The following ACSM4 variants were observed in gnomAD, a reference collection of about 807,000 sequenced individuals.
ACSM4 encodes acyl-coenzyme A synthetase ACSM4, mitochondrial.
In ACSM4, 66 loss-of-function variants were observed where a neutral mutation model predicts 73.0. The ratio of observed to expected loss-of-function variants is 0.90; its 90% CI spans 0.74 to 1.11. The LOEUF is 1.11. ACSM4 is among the 50% of genes least tolerant of loss of function. The pLI is 0.00. For synonymous variants in ACSM4, 222 were observed against 254.0 expected, an observed-to-expected ratio of 0.87 and a Z score of 1.20; for missense variants, 645 against 714.4, an observed-to-expected ratio of 0.90 and a Z score of 1.11.
intron 9 of ACSM4, among the ~76,000 whole-genome samples, 169 bp downstream of exon 9, chr12:7,323,729 T>C (rs1273011045): frequency 6.6e-6 from 1 of 152,090 alleles, no homozygotes; most frequent in Non-Finnish European, 1.5e-5. Context: ...AAATTCCAAA[T>C]GTAAGAAACC....
intron 2 of ACSM4, 134 bp from the exon 3 acceptor site, chr12:7,310,405 T>C: frequency 3.6e-6 from 3 of 833,876 alleles, no homozygotes; most frequent in South Asian, 3.4e-5. Flanking sequence ...TGCAATATCC[T>C]TGGGCATCAA....
chr12:7,324,397 C>A lies in ACSM4; in HGVS notation c.1433C>A (p.Ser478Tyr). The stretch of plus-strand genomic sequence containing the variant: ...AGAGCTGATGATGTCATTATATCCT[C>A]TGGGTTTGTATATTTGCCACTCTGA... ...VGRADDVIIS[S>Y]GYRIGPFEVE... The change falls in exon 10 of 13, where the codon TCT (serine) becomes TAT (tyrosine). Residue 478 changes from serine (S) to tyrosine (Y), a missense_variant. Transcript: ENST00000399422. 1 of 1,614,100 alleles carries A rather than the reference C, an allele frequency of 6.2e-7. No individual in the cohort carries two copies. Among genetic ancestry groups the A allele is most frequent in the African/African-American group, 1.3e-5 (1 of 75,036 alleles).
At chr12:7,317,418 GC>G in intron 4 of ACSM4, 138 bp downstream of exon 4, 1 of 1,235,176 alleles carries the variant, frequency 8.1e-7, no homozygotes, top group East Asian at 2.9e-5. Flanking sequence ...ACTCTTGCTG[GC>G]CCCGCCCAAC....
chr12:7,308,243 GT>G (rs1255772882), intron 2 of ACSM4, among the ~76,000 whole-genome samples: 1 of 152,124 alleles, frequency 6.6e-6, no homozygotes, highest in Non-Finnish European at 1.5e-5. Flanking sequence ...TGTTAAACCA[GT>G]TGTGGATTGA....
intron 2 of ACSM4, 120 bp downstream of exon 2, chr12:7,306,863 A>G: frequency 1.1e-6 from 1 of 932,600 alleles, no homozygotes; most frequent in Non-Finnish European, 1.6e-6. Flanking sequence ...AAAAAAAAAA[A>G]AGAAGAGTTA....
intron 8 of ACSM4, 63 bp downstream of exon 8, chr12:7,323,377 T>C (rs1360423484): frequency 1.3e-6 from 2 of 1,594,162 alleles, no homozygotes; most frequent in Non-Finnish European, 8.6e-7. Flanking sequence ...TTTTCTGCTA[T>C]TCATTGCACA....
At chr12:7,319,876 A>T (rs767978467) in intron 5 of ACSM4, among the ~76,000 whole-genome samples, 1 of 152,208 alleles carries the variant, frequency 6.6e-6, no homozygotes, top group Non-Finnish European at 1.5e-5. Context: ...TACAAAAATC[A>T]TGTGTGTATT....
At chr12:7,321,526 T>TCCTAGCAAAG (rs1480886027) in intron 6 of ACSM4, among the ~76,000 whole-genome samples, 11 of 152,344 alleles carry the variant, frequency 7.2e-5, no homozygotes, top group African/African-American at 2.6e-4. Flanking sequence ...CTAGTCAGTG[T>TCCTAGCAAAG]CAACTCCTTT....
At chr12:7,323,771 C>T (rs1394393067) in intron 9 of ACSM4, among the ~76,000 whole-genome samples, 6 of 152,198 alleles carry the variant, frequency 3.9e-5, no homozygotes, top group Middle Eastern at 6.8e-3. Flanking sequence ...AAAGGAAAAC[C>T]GGACAGGCTG....
Position 7,317,275 on chromosome 12 carries a change from C to T in ACSM4, c.759C>T (p.Cys253=), listed in dbSNP as rs200562081. 52 of 1,562,116 alleles carry T rather than the reference C, an allele frequency of 3.3e-5. 1 individual carries two copies. Among genetic ancestry groups the T allele is most frequent in the East Asian group, 2.6e-4 (11 of 42,150 alleles). Residue 253 remains cysteine (C), a synonymous_variant, in exon 4 of 13, where the codon TGC becomes TGT. Coordinates refer to ENST00000399422, the MANE Select transcript of ACSM4 (RefSeq NM_001080454.2). ...GCCTCGGCATTGGGTTCACCCTCTG[C>T]GGAAGGTAGGGAAGAAAATTCAGTT... ...QSSLGIGFTL[C]GRYWLDLKSS...
intron 6 of ACSM4, among the ~76,000 whole-genome samples, chr12:7,321,890 C>G (rs904283368): frequency 6.6e-6 from 1 of 152,204 alleles, no homozygotes; most frequent in African/African-American, 2.4e-5. Flanking sequence ...AAGTGACATG[C>G]TTGGTGAGAT....
chr12:7,326,081 T>C (rs1946502182), intron 11 of ACSM4, among the ~76,000 whole-genome samples: 1 of 152,256 alleles, frequency 6.6e-6, no homozygotes, highest in African/African-American at 2.4e-5. Flanking sequence ...TAAATTATGC[T>C]TACTAACCTC....
chr12:7,328,363 G>T lies in ACSM4; in HGVS notation c.1733G>T (p.Arg578Ile). 1 of 1,587,668 alleles carries T rather than the reference G, an allele frequency of 6.3e-7. No homozygotes were observed. Among genetic ancestry groups the T allele is most frequent in the Middle Eastern group, 1.7e-4 (1 of 6,010 alleles). Reference sequence around the variant, plus strand: ...AACGTTTTAAGAGACCAAGAATGGAGAGGAAGATAGTTTGATAACAAAGCT... The same window carrying T: ...AACGTTTTAAGAGACCAAGAATGGATAGGAAGATAGTTTGATAACAAAGCT... ...KRNVLRDQEW[R>I]GR Residue 578 changes from arginine (R) to isoleucine (I), a missense_variant, in exon 13 of 13, where the codon AGA becomes ATA. By Grantham distance (97) the Arg-to-Ile change is moderately conservative. Transcript: ENST00000399422.
At position 7,328,578 on chromosome 12, in the gene ACSM4, G is replaced by A; in HGVS notation, c.*205G>A. 3.0e-6 allele frequency: 1 copy of A among 336,558 alleles called. No homozygotes were observed. Among genetic ancestry groups the A allele is most frequent in the Admixed American group, 4.8e-5 (1 of 21,048 alleles). The allele number at this position is 336,558 out of a possible 1,614,324, so 20.8% of individuals were successfully genotyped here. On this transcript the variant is annotated 3_prime_UTR_variant, in exon 13 of 13. Transcript: ENST00000399422. ...ACGTATGGATGAAAATTGTTATAAT[G>A]ACCAAACTGACAAAGGTAATGATGA...
intron 3 of ACSM4, 104 bp from the exon 4 acceptor site, chr12:7,317,033 C>CT: frequency 7.2e-7 from 1 of 1,382,584 alleles, no homozygotes; most frequent in African/African-American, 1.5e-5. Context: ...GTTCTGTTAA[C>CT]TATCTTCTGG....
At chr12:7,324,463 A>C in intron 10 of ACSM4, 36 bp from the exon 11 acceptor site, 1 of 1,613,900 alleles carries the variant, frequency 6.2e-7, no homozygotes, top group South Asian at 1.1e-5. Context: ...TCTAACTTGG[A>C]GGATGTGGTG....
At position 7,317,285 on chromosome 12, in the gene ACSM4, G is replaced by T. The variant is rs1211089386; in HGVS notation, c.764+5G>T. 1 of 1,550,276 alleles carries T rather than the reference G, an allele frequency of 6.5e-7. No homozygotes were observed. The highest frequency in any genetic ancestry group is 1.2e-5 in the South Asian group (1 of 82,878). On this transcript the variant is annotated splice_donor_5th_base_variant and intron_variant, in intron 4 of 12. Transcript: ENST00000399422. ...TGGGTTCACCCTCTGCGGAAGGTAG[G>T]GAAGAAAATTCAGTTTGTTTTTGGT...
At position 7,323,275 on chromosome 12, in the gene ACSM4, AG is replaced by A; in HGVS notation, c.1169del (p.Gly390ValfsTer15). On this transcript the variant is annotated frameshift_variant, in exon 8 of 13. Coordinates refer to ENST00000399422, the MANE Select transcript of ACSM4 (RefSeq NM_001080454.2). LOFTEE classifies it high-confidence loss of function. ...ATCAGAAAGGCCAAGAAATTAAACCAGGTTCAATGGGGAAAGGAATGCTGCC... is the reference window on the plus strand; with the variant it reads ...ATCAGAAAGGCCAAGAAATTAAACCAGTTCAATGGGGAAAGGAATGCTGCC... The part of the protein sequence containing the change: ...ANQKGQEIKP[G>X]SMGKGMLPYD... 5 of 1,611,464 alleles carry A rather than the reference AG, an allele frequency of 3.1e-6. No individual in the cohort carries two copies. Among genetic ancestry groups the A allele is most frequent in the Non-Finnish European group, 4.2e-6 (5 of 1,178,938 alleles).
At chr12:7,307,306 T>G (rs747335880) in intron 2 of ACSM4, among the ~76,000 whole-genome samples, 1 of 152,238 alleles carries the variant, frequency 6.6e-6, no homozygotes, top group Non-Finnish European at 1.5e-5. Context: ...AGAAAGCTAT[T>G]CTATTCAGTC....
Sources: allele counts gnomAD v4.1 joint callset (sites outside exome capture counted in the v4.1 genomes callset), GRCh38; gene constraint gnomAD v4.1.1; transcripts MANE v1.5; gene names NCBI Gene and HGNC (gene_info 2026-07-23, HGNC 2026-07-21).